Variants in SRSF3 observed in about 807,000 individuals in gnomAD.
The protein encoded by SRSF3 is serine and arginine rich splicing factor 3, also known as serine/arginine-rich splicing factor 3.
For synonymous variants in SRSF3, 87 were observed against 73.6 expected (o/e 1.18, Z -0.93); for missense variants, 58 against 217.1 (o/e 0.27, Z 4.61).
chr6:36,596,645 T>TC, intron 1 of SRSF3, 116 bp from the exon 2 acceptor site: 8 of 904,028 alleles, frequency 8.8e-6, no homozygotes, highest in Non-Finnish European at 1.4e-5. Context: ...AATTTTTTTT[T>TC]CTTTACGTGC....
At position 36,603,602 on chromosome 6, in the gene SRSF3, G is replaced by C. The variant is rs1327233408; in HGVS notation, c.*1613G>C. On this transcript the variant is annotated 3_prime_UTR_variant, in exon 6 of 6. Coordinates refer to ENST00000373715, the MANE Select transcript of SRSF3 (RefSeq NM_003017.5). ...ATTTCCACCTTTTACACAAATCTTG[G>C]GAGAATTGGTGTCAGGAAGGTTCAG... 4.4e-6 allele frequency: 1 copy of C among 228,872 alleles called. No individual in the cohort carries two copies. Among genetic ancestry groups the C allele is most frequent in the Admixed American group, 5.7e-5 (1 of 17,620 alleles). 14.2% of individuals were successfully genotyped at this position (228,872 alleles called of 1,614,324 possible).
At chr6:36,598,791 T>C in intron 2 of SRSF3, 58 bp from the exon 3 acceptor site, 1 of 1,591,932 alleles carries the variant, frequency 6.3e-7, no homozygotes, top group Non-Finnish European at 8.6e-7. Context: ...TACTTTTGGC[T>C]TTAATACGCA....
In SRSF3 at chr6:36,601,058, A is replaced by G. The variant is rs536565687; in HGVS notation, c.342-94A>G. 5.4e-6 allele frequency: 4 copies of G among 745,606 alleles called. No homozygotes were observed. The Admixed American group carries it at 9.5e-5, about 18-fold the overall frequency. The allele number at this position is 745,606 out of a possible 1,614,324, so 46.2% of individuals were successfully genotyped here. Reference sequence around the variant, plus strand: ...TGGGTGCCAGTTCTTCGGCACATTCACTGGGCCCAACAGTGAGATTGAAAA... The same window carrying G: ...TGGGTGCCAGTTCTTCGGCACATTCGCTGGGCCCAACAGTGAGATTGAAAA... On this transcript the variant is annotated intron_variant, in intron 3 of 5. Transcript: ENST00000373715.
chr6:36,603,052 T>A lies in SRSF3; in HGVS notation c.*1063T>A, dbSNP rs1778744407. 1 of 222,564 alleles carries A rather than the reference T, an allele frequency of 4.5e-6. No individual in the cohort carries two copies. The highest frequency in any genetic ancestry group is 9.0e-6 in the Non-Finnish European group (1 of 111,244). The allele number at this position is 222,564 out of a possible 1,614,324, so 13.8% of individuals were successfully genotyped here. A position where few individuals can be genotyped will look rare whatever the true frequency, so the allele number is the denominator to read the frequency against. On this transcript the variant is annotated 3_prime_UTR_variant, in exon 6 of 6. Coordinates refer to ENST00000373715, the MANE Select transcript of SRSF3 (RefSeq NM_003017.5). ...TCTTCTGAAGTGAAGGAAATATAGA[T>A]GTCACCTAAGTGATAGTTAACCCAT...
chr6:36,598,258 G>A (rs191567892), intron 2 of SRSF3, among the ~76,000 whole-genome samples: 3 of 152,326 alleles, frequency 2.0e-5, no homozygotes, highest in Admixed American at 6.5e-5. Context: ...ATTGAGCTCA[G>A]TAATCAGACT....
chr6:36,596,211 C>G (rs1778624635), intron 1 of SRSF3, among the ~76,000 whole-genome samples: 1 of 152,126 alleles, frequency 6.6e-6, no homozygotes, highest in African/African-American at 2.4e-5. Flanking sequence ...GTGTGAGCCG[C>G]CGCGCCCGGT....
rs1370965989 is a variant in SRSF3 at position 36,594,478 on chromosome 6, C to G, written c.-6C>G. On this transcript the variant is annotated 5_prime_UTR_variant, in exon 1 of 6. In the 5' UTR this introduces an upstream ATG that the reference lacks. Coordinates refer to ENST00000373715, the MANE Select transcript of SRSF3 (RefSeq NM_003017.5). ...GCCGCCGCATTTTTTAACCCTAGAT[C>G]TCGGTAAGAGACCAGCGAAAGAGGG... 6.6e-6 allele frequency: 1 copy of G among 152,420 alleles called. No individual in the cohort carries two copies. The highest frequency in any genetic ancestry group is 1.5e-5 in the Non-Finnish European group (1 of 68,080). 9.4% of individuals were successfully genotyped at this position (152,420 alleles called of 1,614,324 possible).
intron 1 of SRSF3, 97 bp from the exon 2 acceptor site, chr6:36,596,664 A>T: frequency 9.0e-7 from 1 of 1,115,904 alleles, no homozygotes. Flanking sequence ...GCTACCTTAA[A>T]CTCTCTTGTC....
Position 36,599,302 on chromosome 6 carries a change from C to T in SRSF3, c.341+319C>T, listed in dbSNP as rs1370533699. On this transcript the variant is annotated intron_variant, in intron 3 of 5. Coordinates refer to ENST00000373715, the MANE Select transcript of SRSF3 (RefSeq NM_003017.5). ...CATTTCTTGGCTCCATAATGACAAA[C>T]ATTACATTCAACTCTAGCTCTTCAC... 2.2e-5 allele frequency: 6 copies of T among 269,138 alleles called. No homozygotes were observed. In the Admixed American group the frequency reaches 2.5e-4, roughly 11 times the overall value. 16.7% of individuals were successfully genotyped at this position (269,138 alleles called of 1,614,324 possible). A position where few individuals can be genotyped will look rare whatever the true frequency, so the allele number is the denominator to read the frequency against.
At chr6:36,601,001 CTTT>C (rs775227806) in intron 3 of SRSF3, 148 bp from the exon 4 acceptor site, 34 of 86,444 alleles carry the variant, frequency 3.9e-4, no homozygotes, top group East Asian at 4.3e-4. Context: ...TCTTTTTTTT[CTTT>C]TTTTTTTTTT....
At chr6:36,598,020 C>T (rs1219022396) in intron 2 of SRSF3, among the ~76,000 whole-genome samples, 4 of 152,036 alleles carry the variant, frequency 2.6e-5, no homozygotes, top group Admixed American at 2.6e-4. Context: ...TCTGTGCTGA[C>T]TGTTGAGGGG....
In SRSF3 at chr6:36,604,667, A is replaced by G. The variant is rs957343399; in HGVS notation, c.*2678A>G. On this transcript the variant is annotated 3_prime_UTR_variant, in exon 6 of 6. Transcript: ENST00000373715. Reference sequence around the variant, plus strand: ...CTGTCAGTGGCTTTCACACAAACCCATATGTGGATGGAAAATCCAGGTTAT... The same window carrying G: ...CTGTCAGTGGCTTTCACACAAACCCGTATGTGGATGGAAAATCCAGGTTAT... The G allele has an allele frequency of 1.2e-5, 2 of 161,012 alleles. No individual in the cohort carries two copies. Among genetic ancestry groups the G allele is most frequent in the African/African-American group, 4.8e-5 (2 of 41,740 alleles). 10.0% of individuals were successfully genotyped at this position (161,012 alleles called of 1,614,324 possible). A position where few individuals can be genotyped will look rare whatever the true frequency, so the allele number is the denominator to read the frequency against.
rs192523580 is a variant in SRSF3 at position 36,604,194 on chromosome 6, G to T, written c.*2205G>T. The T allele has an allele frequency of 1.4e-5, 3 of 221,356 alleles. No individual in the cohort carries two copies. Among genetic ancestry groups the T allele is most frequent in the Middle Eastern group, 1.4e-3 (1 of 710 alleles). 13.7% of individuals were successfully genotyped at this position (221,356 alleles called of 1,614,324 possible). On this transcript the variant is annotated 3_prime_UTR_variant, in exon 6 of 6. Transcript: ENST00000373715. ...TCAGGGTTGAGTGTAAAAATGAAAG[G>T]AATCACAAAACTGAACTTAGACCTG...
intron 2 of SRSF3, among the ~76,000 whole-genome samples, chr6:36,597,511 A>ATACT (rs60998263): frequency 0.026 from 4,026 of 152,254 alleles, 60 homozygotes; most frequent in African/African-American, 0.039. Context: ...TGTGTTTGAA[A>ATACT]TACTCCAGAA....
At position 36,604,779 on chromosome 6, in the gene SRSF3, C is replaced by T. The variant is rs562563200; in HGVS notation, c.*2790C>T. 3.3e-5 allele frequency: 5 copies of T among 152,364 alleles called. No homozygotes were observed. The highest frequency in any genetic ancestry group is 9.6e-5 in the African/African-American group (4 of 41,570). The allele number at this position is 152,364 out of a possible 1,614,324, so 9.4% of individuals were successfully genotyped here. A position where few individuals can be genotyped will look rare whatever the true frequency, so the allele number is the denominator to read the frequency against. On this transcript the variant is annotated 3_prime_UTR_variant, in exon 6 of 6. Transcript: ENST00000373715. ...AATAGATACAGCCAGACTCCAGGCTCATTGACTTAGTTTTTCAGGGTGACC... is the reference window on the plus strand; with the variant it reads ...AATAGATACAGCCAGACTCCAGGCTTATTGACTTAGTTTTTCAGGGTGACC...
At chr6:36,598,572 G>A (rs558095927) in intron 2 of SRSF3, 4 of 303,024 alleles carry the variant, frequency 1.3e-5, no homozygotes, top group African/African-American at 2.2e-5. Context: ...TTAGTAGAGC[G>A]AGGGTTTCAC....
intron 5 of SRSF3, 22 bp from the exon 6 acceptor site, chr6:36,601,940 C>CTT (rs778276944): frequency 0.017 from 23,793 of 1,415,094 alleles, 55 homozygotes; most frequent in South Asian, 0.038. Flanking sequence ...GTTTTGTTTT[C>CTT]TTTTTTTTTT....
intron 2 of SRSF3, among the ~76,000 whole-genome samples, chr6:36,597,801 G>GCCTTTT (rs377384163): frequency 7.3e-6 from 1 of 137,530 alleles, no homozygotes; most frequent in Non-Finnish European, 1.6e-5. Flanking sequence ...AGGAATAATG[G>GCCTTTT]TCTTTTTTTT....
rs758342070 is a variant in SRSF3, at chr6:36,598,996, A to G, written c.341+13A>G. The G allele has an allele frequency of 5.5e-5, 89 of 1,613,698 alleles. No homozygotes were observed. Among genetic ancestry groups the G allele is most frequent in the Middle Eastern group, 1.6e-4 (1 of 6,078 alleles). On this transcript the variant is annotated intron_variant, in intron 3 of 5. Transcript: ENST00000373715. ...CACCTCGTCGCAGGTACTTGAGAGAAAGCTTGTTAAGAGGTATTGGTGTAA... is the reference window on the plus strand; with the variant it reads ...CACCTCGTCGCAGGTACTTGAGAGAGAGCTTGTTAAGAGGTATTGGTGTAA...
Sources: gnomAD v4.1 joint callset for allele counts (sites outside exome capture counted in the v4.1 genomes callset) on GRCh38, gnomAD v4.1.1 for gene constraint, MANE v1.5 for transcripts, NCBI Gene and HGNC (gene_info 2026-07-23, HGNC 2026-07-21) for gene names.